Variants in TTC39C observed in about 807,000 individuals in gnomAD.
TTC39C encodes the protein tetratricopeptide repeat protein 39C.
Under a neutral mutation model 76.3 loss-of-function variants are expected in TTC39C, and 33 were observed. The observed-to-expected ratio is 0.43, with a 90% CI of 0.33 to 0.58. The LOEUF is 0.58. TTC39C is among the 20% of genes least tolerant of loss of function. The pLI is 0.04. For synonymous variants in TTC39C, 254 were observed against 260.6 expected, an observed-to-expected ratio of 0.97 and a Z score of 0.24; for missense variants, 595 against 701.4, an observed-to-expected ratio of 0.85 and a Z score of 1.71.
At chr18:24,022,472 T>A in intron 1 of TTC39C, 1 of 750,944 alleles carries the variant, frequency 1.3e-6, no homozygotes, top group African/African-American at 1.9e-5. Context: ...TGGGGAGTGC[T>A]GGGGTTGAAA....
In TTC39C at chr18:24,001,832, T is replaced by TTTTTTTGG. The variant is rs1555763436; in HGVS notation, c.-17+8800_-17+8801insGGTTTTTT. 1.9e-3 allele frequency among the ~76,000 whole-genome samples: 262 copies of TTTTTTTGG among 134,362 alleles called. 2 individuals are homozygous for TTTTTTTGG. The highest frequency in any genetic ancestry group is 2.4e-3 in the Non-Finnish European group (154 of 64,828). The allele number at this position is 134,362 out of a possible 152,430, so 88.1% of individuals were successfully genotyped here. ...GGTGTACGGTAATTCTGTTTTTTTT[T>TTTTTTTGG]TTTTTTTTTTTGAGACGGAGTCTCG... On this transcript the variant is annotated intron_variant, in intron 1 of 13. Transcript: ENST00000304621.
intron 1 of TTC39C, among the ~76,000 whole-genome samples, chr18:24,031,534 C>T (rs1182877763): frequency 6.6e-6 from 1 of 152,168 alleles, no homozygotes; most frequent in Non-Finnish European, 1.5e-5. Flanking sequence ...TGGCACCTCT[C>T]TCACCTTTAT....
chr18:24,111,211 C>T (rs2084804951), intron 6 of TTC39C, among the ~76,000 whole-genome samples: 1 of 151,750 alleles, frequency 6.6e-6, no homozygotes, highest in Admixed American at 6.6e-5. Context: ...AGGCTGGTGT[C>T]GATCTCCTGA....
At chr18:24,023,168 C>T (rs1346545659) in intron 1 of TTC39C, among the ~76,000 whole-genome samples, 1 of 152,188 alleles carries the variant, frequency 6.6e-6, no homozygotes, top group Non-Finnish European at 1.5e-5. Flanking sequence ...CTCTGAAAGC[C>T]TTGTTCCTCA....
At chr18:24,031,612 G>A (rs1366706526) in intron 1 of TTC39C, among the ~76,000 whole-genome samples, 1 of 151,962 alleles carries the variant, frequency 6.6e-6, no homozygotes, top group Non-Finnish European at 1.5e-5. Context: ...TACTACTGCC[G>A]CCTAGTCCAG....
chr18:24,046,218 A>G (rs1272776027), intron 1 of TTC39C, among the ~76,000 whole-genome samples: 1 of 151,828 alleles, frequency 6.6e-6, no homozygotes, highest in East Asian at 1.9e-4. Flanking sequence ...GATTACAGGC[A>G]TGAGCCACCG....
intron 8 of TTC39C, among the ~76,000 whole-genome samples, chr18:24,120,299 G>A (rs1339163086): frequency 6.6e-6 from 1 of 152,168 alleles, no homozygotes; most frequent in Non-Finnish European, 1.5e-5. Context: ...GCAGTGAGCT[G>A]AGATCGCTCC....
At position 24,044,052 on chromosome 18, in the gene TTC39C, T is replaced by TTGTGTGTGTGTGTGTG. The variant is rs56233680; in HGVS notation, c.168-20064_168-20049dup. On this transcript the variant is annotated intron_variant, in intron 1 of 13. Coordinates refer to ENST00000317571, the MANE Select transcript of TTC39C (RefSeq NM_001135993.2). ...TGGCTGAAAGAGCATTTGTGTATGT[T>TTGTGTGTGTGTGTGTG]TGTGTGTGTGTGTGTGTGTGTGTGT... Among the ~76,000 whole-genome samples the TTGTGTGTGTGTGTGTG allele has an allele frequency of 5.0e-4, 74 of 147,960 alleles. 1 individual carries two copies. Among genetic ancestry groups the TTGTGTGTGTGTGTGTG allele is most frequent in the African/African-American group, 1.7e-3 (70 of 40,066 alleles).
chr18:24,123,740 T>C, intron 8 of TTC39C, 94 bp from the exon 9 acceptor site: 2 of 886,932 alleles, frequency 2.3e-6, no homozygotes, highest in Non-Finnish European at 3.4e-6. Context: ...TATTTGCTCC[T>C]GCTTTTTTTT....
At chr18:24,099,673 A>G (rs536733646) in intron 6 of TTC39C, among the ~76,000 whole-genome samples, 2 of 152,164 alleles carry the variant, frequency 1.3e-5, no homozygotes, top group South Asian at 4.2e-4. Flanking sequence ...GCTTTCTTAT[A>G]TCTCCATATT....
chr18:24,028,508 G>A (rs1346444794), intron 1 of TTC39C, among the ~76,000 whole-genome samples: 2 of 152,174 alleles, frequency 1.3e-5, no homozygotes, highest in Non-Finnish European at 2.9e-5. Context: ...TGAATAGTAT[G>A]TAAACCCAAA....
chr18:24,130,490 C>T (rs2085112537), intron 12 of TTC39C, 73 bp downstream of exon 12: 1 of 441,180 alleles, frequency 2.3e-6, no homozygotes, highest in African/African-American at 2.1e-5. Context: ...TGGGCAAGCA[C>T]AAAGCACCCT....
intron 1 of TTC39C, among the ~76,000 whole-genome samples, chr18:24,033,667 T>C (rs2083700176): frequency 6.6e-6 from 1 of 152,232 alleles, no homozygotes; most frequent in South Asian, 2.1e-4. Flanking sequence ...ATAACACAGT[T>C]CAATTTTCAG....
At chr18:24,020,381 TGTAA>T (rs2083503982) in intron 1 of TTC39C, 1 of 801,054 alleles carries the variant, frequency 1.2e-6, no homozygotes, top group South Asian at 5.7e-5. Context: ...TGTGCTATAG[TGTAA>T]GTCTCTGTAA....
intron 1 of TTC39C, among the ~76,000 whole-genome samples, chr18:24,053,842 C>T (rs2083982902): frequency 6.6e-6 from 1 of 152,018 alleles, no homozygotes; most frequent in Non-Finnish European, 1.5e-5. Flanking sequence ...TTAAGTCAGC[C>T]CTCATCAGAT....
At chr18:24,028,762 G>A (rs559960221) in intron 1 of TTC39C, among the ~76,000 whole-genome samples, 8 of 152,086 alleles carry the variant, frequency 5.3e-5, no homozygotes, top group East Asian at 3.9e-4. Context: ...TTGCTCTGTC[G>A]CCCAGGCTGG....
chr18:24,015,557 G>A (rs907560385), intron 1 of TTC39C, among the ~76,000 whole-genome samples: 1 of 152,124 alleles, frequency 6.6e-6, no homozygotes, highest in Non-Finnish European at 1.5e-5. Flanking sequence ...AAACAGATAC[G>A]CACAATTGCT....
rs1244678620 is a variant in TTC39C, at chr18:24,123,867, C to T, written c.1220C>T (p.Ala407Val). The change falls in exon 9 of 14, where the codon GCA becomes GTA. Residue 407 changes from alanine to valine, a missense_variant. Transcript: ENST00000317571. Reference sequence around the variant, plus strand: ...GGAGCCACTGGTGATGTGGATGGGGCACAGATTGTCTTTAAAGAAGTTCAG... The same window carrying T: ...GGAGCCACTGGTGATGTGGATGGGGTACAGATTGTCTTTAAAGAAGTTCAG... ...CQGATGDVDGAQIVFKEVQKL... is the reference protein window; with the variant it reads ...CQGATGDVDGVQIVFKEVQKL... 8 of 1,612,032 alleles carry T rather than the reference C, an allele frequency of 5.0e-6. No individual in the cohort carries two copies. Among genetic ancestry groups the T allele is most frequent in the Non-Finnish European group, 6.8e-6 (8 of 1,179,680 alleles).
upstream of TTC39C, among the ~76,000 whole-genome samples, chr18:24,014,201 G>A (rs1244819242): frequency 6.6e-6 from 1 of 152,108 alleles, no homozygotes; most frequent in African/African-American, 2.4e-5. Flanking sequence ...GATGAAGTCT[G>A]GGGTCGCGGG....
Sources: gnomAD v4.1 joint callset for allele counts (sites outside exome capture counted in the v4.1 genomes callset) on GRCh38, gnomAD v4.1.1 for gene constraint, MANE v1.5 for transcripts, NCBI Gene and HGNC (gene_info 2026-07-23, HGNC 2026-07-21) for gene names.